The following SLCO1B3 variants were observed in gnomAD, a reference collection of about 807,000 sequenced individuals.
The protein encoded by SLCO1B3 is liver-specific organic anion transporter 2.
In SLCO1B3, 72 loss-of-function variants were observed where a neutral mutation model predicts 71.8. That is an observed-to-expected ratio of 1.00 (90% CI 0.83 to 1.22). The LOEUF is 1.22. Ranked by LOEUF, SLCO1B3 falls within the 50% of genes most tolerant of loss-of-function variation. The probability of loss-of-function intolerance (pLI) is 0.00; values close to 1 mark genes in which losing one functional copy is unlikely to be tolerated. For missense variants in SLCO1B3, 911 were observed against 819.7 expected (o/e 1.11, Z -1.36); for synonymous variants, 298 against 278.4 (o/e 1.07, Z -0.70).
At chr12:20,874,886 A>G (rs1462800043) in intron 8 of SLCO1B3, among the ~76,000 whole-genome samples, 1 of 152,196 alleles carries the variant, frequency 6.6e-6, no homozygotes, top group Non-Finnish European at 1.5e-5. Context: ...GACAACAGTG[A>G]GGATTCATAT....
chr12:20,876,493 T>C (rs1245425161), intron 9 of SLCO1B3, among the ~76,000 whole-genome samples: 1 of 152,162 alleles, frequency 6.6e-6, no homozygotes, highest in East Asian at 1.9e-4. Flanking sequence ...TTACCTTTTT[T>C]TTTGTTGTTG....
At chr12:20,834,932 T>C (rs536864493) in intron 3 of SLCO1B3, among the ~76,000 whole-genome samples, 7 of 152,242 alleles carry the variant, frequency 4.6e-5, no homozygotes, top group African/African-American at 1.7e-4. Flanking sequence ...TACTGAAATT[T>C]CTCCATGAGG....
intron 9 of SLCO1B3, 51 bp downstream of exon 9, chr12:20,875,528 C>T (rs370474386): frequency 2.5e-5 from 38 of 1,543,404 alleles, no homozygotes; most frequent in African/African-American, 5.6e-5. Context: ...CTCAATGAAA[C>T]GGAGAAGTGA....
intron 8 of SLCO1B3, among the ~76,000 whole-genome samples, chr12:20,870,297 G>C (rs1865453418): frequency 6.6e-6 from 1 of 152,016 alleles, no homozygotes; most frequent in Non-Finnish European, 1.5e-5. Context: ...TTTTCACTCT[G>C]TTGATTATTT....
intron 9 of SLCO1B3, among the ~76,000 whole-genome samples, chr12:20,877,206 GC>G (rs1460755152): frequency 1.3e-5 from 2 of 151,168 alleles, no homozygotes; most frequent in African/African-American, 4.9e-5. Flanking sequence ...ATAATAAGGT[GC>G]AAAAAAAGGG....
At chr12:20,851,963 C>G (rs1865033176) in intron 3 of SLCO1B3, among the ~76,000 whole-genome samples, 1 of 152,174 alleles carries the variant, frequency 6.6e-6, no homozygotes. Flanking sequence ...AATCACTTGT[C>G]CATATAGGCA....
intron 3 of SLCO1B3, among the ~76,000 whole-genome samples, chr12:20,833,576 A>C (rs1268363078): frequency 6.7e-6 from 1 of 148,600 alleles, no homozygotes; most frequent in African/African-American, 2.4e-5. Context: ...ATATACATGA[A>C]TATATACATA....
At chr12:20,873,936 T>G (rs1319241222) in intron 8 of SLCO1B3, among the ~76,000 whole-genome samples, 2 of 152,232 alleles carry the variant, frequency 1.3e-5, no homozygotes, top group Admixed American at 6.5e-5. Context: ...GGACATTATC[T>G]CCTTCCTTTT....
chr12:20,821,868 C>CTTTT (rs1195058194), intron 3 of SLCO1B3, among the ~76,000 whole-genome samples: 1 of 152,140 alleles, frequency 6.6e-6, no homozygotes, highest in Non-Finnish European at 1.5e-5. Flanking sequence ...TGACCGGCAC[C>CTTTT]GGAGTTTTGG....
intron 3 of SLCO1B3, among the ~76,000 whole-genome samples, chr12:20,831,356 C>CAAAAAAAA (rs35410136): frequency 6.6e-5 from 6 of 91,210 alleles, no homozygotes; most frequent in Non-Finnish European, 1.0e-4. Context: ...GACGCCATAT[C>CAAAAAAAA]AAAAAAAAAA....
chr12:20,834,263 CAT>C (rs1336942902), intron 3 of SLCO1B3, among the ~76,000 whole-genome samples: 1 of 139,954 alleles, frequency 7.1e-6, no homozygotes, highest in Non-Finnish European at 1.5e-5. Flanking sequence ...AACCTGTATA[CAT>C]AGTCTTCATA....
At chr12:20,839,584 CT>C (rs773634424) in intron 3 of SLCO1B3, among the ~76,000 whole-genome samples, 3 of 151,912 alleles carry the variant, frequency 2.0e-5, no homozygotes, top group Non-Finnish European at 4.4e-5. Flanking sequence ...TCTTTTGGGA[CT>C]TTTTTCCCCT....
chr12:20,847,897 A>G (rs1864949189), intron 3 of SLCO1B3, among the ~76,000 whole-genome samples: 6 of 152,070 alleles, frequency 3.9e-5, no homozygotes. Flanking sequence ...CTAGAAGCTT[A>G]AGGAACTCCA....
intron 3 of SLCO1B3, among the ~76,000 whole-genome samples, chr12:20,825,311 T>C (rs1237369002): frequency 1.3e-5 from 2 of 152,150 alleles, no homozygotes; most frequent in African/African-American, 2.4e-5. Flanking sequence ...CACAGACGCA[T>C]GTCTTCTGTG....
chr12:20,912,137 A>C (rs1037747789), intron 15 of SLCO1B3, among the ~76,000 whole-genome samples: 13 of 151,936 alleles, frequency 8.6e-5, no homozygotes, highest in African/African-American at 3.1e-4. Flanking sequence ...ATGAAATTTC[A>C]TCTTGACCCA....
At chr12:20,842,653 C>G (rs945163197) in intron 3 of SLCO1B3, among the ~76,000 whole-genome samples, 1 of 151,664 alleles carries the variant, frequency 6.6e-6, no homozygotes, top group Admixed American at 6.6e-5. Context: ...TGTCCACTTA[C>G]GTTTATTGTA....
intron 8 of SLCO1B3, among the ~76,000 whole-genome samples, chr12:20,868,655 C>A (rs1019976463): frequency 1.2e-5 from 1 of 84,432 alleles, no homozygotes; most frequent in East Asian, 3.4e-4. Flanking sequence ...AATAAAGACA[C>A]AAGACAAAGA....
intron 15 of SLCO1B3, among the ~76,000 whole-genome samples, chr12:20,903,884 C>T (rs1411210749): frequency 6.6e-6 from 1 of 152,116 alleles, no homozygotes; most frequent in East Asian, 1.9e-4. Flanking sequence ...GCCCACAGTC[C>T]AAAGTCTCTT....
chr12:20,905,125 TG>T (rs1328780630), intron 15 of SLCO1B3, among the ~76,000 whole-genome samples: 1 of 152,178 alleles, frequency 6.6e-6, no homozygotes, highest in African/African-American at 2.4e-5. Context: ...TGGCCCAAGC[TG>T]TACCTTGACT....
Sources: allele counts gnomAD v4.1 joint callset (sites outside exome capture counted in the v4.1 genomes callset), GRCh38; gene constraint gnomAD v4.1.1; transcripts MANE v1.5; gene names NCBI Gene and HGNC (gene_info 2026-07-23, HGNC 2026-07-21).